SPEF2: variants seen among roughly 807,000 people sequenced by gnomAD.
SPEF2 encodes sperm flagella and cilia-associated protein 2.
Under a neutral mutation model 224.6 loss-of-function variants are expected in SPEF2, and 187 were observed. The ratio of observed to expected loss-of-function variants is 0.83; its 90% CI spans 0.74 to 0.94. SPEF2 has a LOEUF of 0.94. Among genes scored for constraint, SPEF2 ranks in the 40% least tolerant of loss-of-function variants. The probability of loss-of-function intolerance (pLI) is 0.00; values close to 1 mark genes in which losing one functional copy is unlikely to be tolerated. For missense variants in SPEF2, 2,170 were observed against 2,135.6 expected, an observed-to-expected ratio of 1.02 and a Z score of -0.32; for synonymous variants, 715 against 707.3, an observed-to-expected ratio of 1.01 and a Z score of -0.17.
At chr5:35,692,414 C>T (rs1170644032) in intron 11 of SPEF2, among the ~76,000 whole-genome samples, 156 bp from the exon 12 acceptor site, 1 of 152,048 alleles carries the variant, frequency 6.6e-6, no homozygotes, top group Non-Finnish European at 1.5e-5. Context: ...CCGTCTCAAA[C>T]AAAACAAACC....
At chr5:35,650,940 G>A (rs139301130) in intron 6 of SPEF2, among the ~76,000 whole-genome samples, 1 of 152,278 alleles carries the variant, frequency 6.6e-6, no homozygotes, top group Non-Finnish European at 1.5e-5. Context: ...TAGCTCCAGG[G>A]TTATCAAGGA....
At position 35,806,950 on chromosome 5, in the gene SPEF2, G is replaced by C. The variant is rs372951375; in HGVS notation, c.5254G>C (p.Glu1752Gln). 474 of 1,593,358 alleles carry C rather than the reference G, an allele frequency of 3.0e-4. 1 individual carries two copies. The highest frequency in any genetic ancestry group is 3.8e-4 in the Non-Finnish European group (449 of 1,172,324). Reference sequence around the variant, plus strand: ...CCTAAAGATAGAGAACATTTATGCAGAGGTTGGTTAAATTATTTTGAAAAA... The same window carrying C: ...CCTAAAGATAGAGAACATTTATGCACAGGTTGGTTAAATTATTTTGAAAAA... ...SHLKIENIYA[E>Q]GFIKTFQDLG... Residue 1752 changes from glutamate to glutamine, a missense_variant and splice_region_variant, in exon 35 of 37, where the codon GAG (glutamate) becomes CAG (glutamine). Transcript: ENST00000356031.
intron 24 of SPEF2, among the ~76,000 whole-genome samples, chr5:35,757,576 T>C (rs1459216304): frequency 6.6e-6 from 1 of 152,162 alleles, no homozygotes; most frequent in Non-Finnish European, 1.5e-5. Flanking sequence ...TCACCATAAA[T>C]GTGTCATTCT....
In SPEF2 at chr5:35,753,774, G is replaced by T. The variant is rs776153252; in HGVS notation, c.3468+13G>T. 2.5e-6 allele frequency: 4 copies of T among 1,613,856 alleles called. No homozygotes were observed. The highest frequency in any genetic ancestry group is 3.4e-6 in the Non-Finnish European group (4 of 1,179,898). On this transcript the variant is annotated intron_variant, in intron 24 of 36. Transcript: ENST00000356031. Reference sequence around the variant, plus strand: ...TTCCCTGATGCAGGTAAGAGCAGCTGGTCACAATAACCCAGGCACTTCCCT... The same window carrying T: ...TTCCCTGATGCAGGTAAGAGCAGCTTGTCACAATAACCCAGGCACTTCCCT...
At chr5:35,720,124 T>C (rs1743349347) in intron 20 of SPEF2, among the ~76,000 whole-genome samples, 1 of 152,246 alleles carries the variant, frequency 6.6e-6, no homozygotes, top group South Asian at 2.1e-4. Context: ...ATTGCACTAA[T>C]GCAAACAACT....
chr5:35,788,432 GA>G lies in SPEF2; in HGVS notation c.4448-3902del, dbSNP rs892850477. On this transcript the variant is annotated intron_variant, in intron 30 of 36. Coordinates refer to ENST00000356031, the MANE Select transcript of SPEF2 (RefSeq NM_024867.4). Reference sequence around the variant, plus strand: ...ACGAAAAAATCTAAGAGAGAAATTAGAAAAAAGTAAATTTTTCTCTGTCATC... The same window carrying G: ...ACGAAAAAATCTAAGAGAGAAATTAGAAAAAGTAAATTTTTCTCTGTCATC... 11 of 701,756 alleles carry G rather than the reference GA, an allele frequency of 1.6e-5. No individual in the cohort carries two copies. In the African/African-American group the frequency reaches 1.6e-4, roughly 10 times the overall value. 43.5% of individuals were successfully genotyped at this position (701,756 alleles called of 1,614,324 possible).
intron 27 of SPEF2, among the ~76,000 whole-genome samples, chr5:35,773,346 C>T (rs1338554274): frequency 6.6e-6 from 1 of 152,190 alleles, no homozygotes; most frequent in African/African-American, 2.4e-5. Context: ...TGCAACTGCA[C>T]TCCAGCCTGG....
chr5:35,671,631 C>T (rs1751229174), intron 10 of SPEF2: 1 of 624,508 alleles, frequency 1.6e-6, no homozygotes, highest in Non-Finnish European at 2.0e-6. Flanking sequence ...AGCTCAATCT[C>T]TATTCTTGTT....
intron 24 of SPEF2, among the ~76,000 whole-genome samples, chr5:35,754,769 G>T (rs1414327878): frequency 2.0e-5 from 3 of 152,144 alleles, no homozygotes; most frequent in South Asian, 2.1e-4. Context: ...CCTGTCTAAA[G>T]CTAAGTCAAG....
At chr5:35,742,985 G>A (rs928253836) in intron 23 of SPEF2, among the ~76,000 whole-genome samples, 4 of 151,324 alleles carry the variant, frequency 2.6e-5, no homozygotes, top group Admixed American at 2.6e-4. Context: ...AATATTTAAA[G>A]TATTATGTTA....
intron 15 of SPEF2, chr5:35,699,486 A>G (rs1738118441): frequency 6.6e-6 from 1 of 152,224 alleles, no homozygotes. Context: ...AGATTTTAAA[A>G]GACTCACTTG....
At position 35,691,407 on chromosome 5, in the gene SPEF2, C is replaced by T. The variant is rs536615703; in HGVS notation, c.1744+151C>T. Reference sequence around the variant, plus strand: ...AAAAGTTTTGTAATTTTCCAGGCTACGATTATTCAGCCATAAAAATGAGTG... The same window carrying T: ...AAAAGTTTTGTAATTTTCCAGGCTATGATTATTCAGCCATAAAAATGAGTG... On this transcript the variant is annotated intron_variant, in intron 11 of 36. Transcript: ENST00000356031. 5.7e-5 allele frequency: 37 copies of T among 649,096 alleles called. 1 individual carries two copies. Among genetic ancestry groups the T allele is most frequent in the Non-Finnish European group, 8.6e-5 (33 of 383,792 alleles). 40.2% of individuals were successfully genotyped at this position (649,096 alleles called of 1,614,324 possible).
intron 33 of SPEF2, among the ~76,000 whole-genome samples, chr5:35,799,189 C>T (rs1429257886): frequency 6.6e-6 from 1 of 152,164 alleles, no homozygotes; most frequent in African/African-American, 2.4e-5. Flanking sequence ...AAAGGTTCTC[C>T]AGGTCATAAA....
rs1580018522 is a variant in SPEF2 at position 35,628,380 on chromosome 5, T to C, written c.59-80T>C. 4 of 814,450 alleles carry C rather than the reference T, an allele frequency of 4.9e-6. No homozygotes were observed. The South Asian group carries it at 5.2e-5, about 11-fold the overall frequency. The allele number at this position is 814,450 out of a possible 1,614,324, so 50.5% of individuals were successfully genotyped here. A position where few individuals can be genotyped will look rare whatever the true frequency, so the allele number is the denominator to read the frequency against. ...TCCAGTTAAATTGTGTAGTTTTTAG[T>C]GTATGTATATTTAAAGAGATCATTA... On this transcript the variant is annotated intron_variant, in intron 1 of 36. Transcript: ENST00000356031.
At chr5:35,775,492 G>C (rs543587852) in intron 28 of SPEF2, among the ~76,000 whole-genome samples, 2 of 152,224 alleles carry the variant, frequency 1.3e-5, no homozygotes, top group African/African-American at 4.8e-5. Context: ...TTCTGGGAAG[G>C]AGCGACTTGG....
intron 2 of SPEF2, among the ~76,000 whole-genome samples, chr5:35,634,763 T>G (rs570030877): frequency 1.3e-5 from 2 of 152,260 alleles, no homozygotes; most frequent in South Asian, 4.1e-4. Flanking sequence ...TCCTATATTG[T>G]ACATATCTAT....
chr5:35,736,150 A>G (rs1746555543), intron 21 of SPEF2, among the ~76,000 whole-genome samples: 1 of 152,240 alleles, frequency 6.6e-6, no homozygotes, highest in Admixed American at 6.5e-5. Context: ...TCCATCCTTA[A>G]GGAAATGAGG....
At chr5:35,690,825 T>C (rs538012857) in intron 10 of SPEF2, among the ~76,000 whole-genome samples, 1 of 152,276 alleles carries the variant, frequency 6.6e-6, no homozygotes, top group African/African-American at 2.4e-5. Context: ...CTAAGATTTT[T>C]TAGTTTTTTT....
intron 19 of SPEF2, chr5:35,709,922 A>T (rs1357910296): frequency 1.0e-6 from 1 of 985,322 alleles, no homozygotes; most frequent in African/African-American, 1.7e-5. Flanking sequence ...AGTATCTTTG[A>T]TACTGTGTCA....
Sources: allele counts gnomAD v4.1 joint callset (sites outside exome capture counted in the v4.1 genomes callset), GRCh38; gene constraint gnomAD v4.1.1; transcripts MANE v1.5; gene names NCBI Gene and HGNC (gene_info 2026-07-23, HGNC 2026-07-21).